Variants in PARD3B observed in about 807,000 individuals in gnomAD.
PARD3B encodes par-3 family cell polarity regulator beta.
In PARD3B, 103 loss-of-function variants were observed where a neutral mutation model predicts 130.2. That is an observed-to-expected ratio of 0.79 (90% CI 0.67 to 0.93). The LOEUF is 0.93. PARD3B is among the 40% of genes least tolerant of loss of function. PARD3B has a pLI of 0.00. For missense variants in PARD3B, 1,609 were observed against 1,499.2 expected (o/e 1.07, Z -1.21); for synonymous variants, 583 against 553.2 (o/e 1.05, Z -0.76).
At position 204,664,273 on chromosome 2, in the gene PARD3B, A is replaced by G. The variant is rs576287604; in HGVS notation, c.121-21908A>G. 5.6e-4 allele frequency among the ~76,000 whole-genome samples: 86 copies of G among 152,346 alleles called. No individual in the cohort carries two copies. Among genetic ancestry groups the G allele is most frequent in the African/African-American group, 2.0e-3 (82 of 41,586 alleles). ...AGATTGAATATGGAATAGAGCATCA[A>G]TTGCTTGCTCTCAGATACTAGTCTT... On this transcript the variant is annotated intron_variant, in intron 1 of 22. Coordinates refer to ENST00000406610, the MANE Select transcript of PARD3B (RefSeq NM_001302769.2). The surrounding 1 kb of genome is among the most constrained non-coding windows in gnomAD (Gnocchi z 5.2).
At chr2:205,431,022 T>C (rs2047314986) in intron 19 of PARD3B, among the ~76,000 whole-genome samples, 1 of 152,226 alleles carries the variant, frequency 6.6e-6, no homozygotes, top group African/African-American at 2.4e-5. Flanking sequence ...ACTTTCAAAA[T>C]GCTTGGTAAA....
chr2:205,219,529 A>G (rs994078560), intron 15 of PARD3B, among the ~76,000 whole-genome samples: 1 of 152,250 alleles, frequency 6.6e-6, no homozygotes, highest in African/African-American at 2.4e-5. Context: ...GCAGAAATAT[A>G]GACAGTATTA....
chr2:205,440,450 T>C lies in PARD3B; in HGVS notation c.2822T>C (p.Val941Ala). Reference protein sequence around the residue: ...LDYATGAIGSVYDMDDDEMDP... With the variant: ...LDYATGAIGSAYDMDDDEMDP... ...TATGCTACTGGTGCAATTGGATCAG[T>C]GTATGATATGGATGATGATGAAATG... The change falls in exon 20 of 23, where the codon GTG becomes GCG. Residue 941 changes from valine to alanine, a missense_variant. By Grantham distance (64) the Val-to-Ala change is moderately conservative (BLOSUM62 0). Transcript: ENST00000406610. The surrounding 1 kb of genome is among the most constrained non-coding windows in gnomAD (Gnocchi z 4.2). 1 of 1,614,082 alleles carries C rather than the reference T, an allele frequency of 6.2e-7. No homozygotes were observed. Among genetic ancestry groups the C allele is most frequent in the Non-Finnish European group, 8.5e-7 (1 of 1,179,966 alleles).
intron 20 of PARD3B, among the ~76,000 whole-genome samples, chr2:205,442,813 T>C (rs2047767505): frequency 6.6e-6 from 1 of 152,150 alleles, no homozygotes; most frequent in African/African-American, 2.4e-5. Flanking sequence ...CTTATGATAA[T>C]CTTAACTGCA....
intron 18 of PARD3B, among the ~76,000 whole-genome samples, chr2:205,355,567 G>A (rs1195686424): frequency 6.6e-6 from 1 of 152,122 alleles, no homozygotes; most frequent in Non-Finnish European, 1.5e-5. Flanking sequence ...ACTGTGTAAG[G>A]TGAGTGATTG....
chr2:205,332,019 C>T (rs911876973), intron 18 of PARD3B, among the ~76,000 whole-genome samples: 15 of 151,788 alleles, frequency 9.9e-5, no homozygotes, highest in Admixed American at 5.9e-4. Context: ...GCAGGAGAAT[C>T]GCGTGAACCC....
intron 2 of PARD3B, among the ~76,000 whole-genome samples, chr2:204,888,866 GACTA>G (rs546649181): frequency 1.3e-5 from 2 of 151,988 alleles, no homozygotes; most frequent in African/African-American, 2.4e-5. Flanking sequence ...GGATAGGAGA[GACTA>G]ACTAGGTATT....
At chr2:205,077,245 G>A (rs1410396243) in intron 4 of PARD3B, among the ~76,000 whole-genome samples, 3 of 152,064 alleles carry the variant, frequency 2.0e-5, no homozygotes, top group Non-Finnish European at 4.4e-5. Context: ...GAAAGATCAG[G>A]GACTTGGCTT....
intron 19 of PARD3B, among the ~76,000 whole-genome samples, chr2:205,434,978 G>A (rs1218918425): frequency 2.0e-5 from 3 of 152,042 alleles, no homozygotes; most frequent in Non-Finnish European, 4.4e-5. Context: ...TTTGCATGAT[G>A]CGTTCACTAA....
chr2:204,858,500 A>G (rs1575148264), intron 2 of PARD3B, among the ~76,000 whole-genome samples: 1 of 92,700 alleles, frequency 1.1e-5, no homozygotes, highest in Admixed American at 9.5e-5. Flanking sequence ...TGTGGAATCT[A>G]AAAAAAAAAA....
chr2:205,035,105 C>T (rs1017729270), intron 3 of PARD3B, among the ~76,000 whole-genome samples: 7 of 151,558 alleles, frequency 4.6e-5, no homozygotes, highest in African/African-American at 1.7e-4. Flanking sequence ...TCAGGTGATC[C>T]CCCCCCCTCA....
intron 2 of PARD3B, among the ~76,000 whole-genome samples, chr2:204,941,511 C>T (rs1318694419): frequency 6.6e-6 from 1 of 152,216 alleles, no homozygotes; most frequent in Non-Finnish European, 1.5e-5. Flanking sequence ...TCCTCTTAGA[C>T]TTCCTAGCAG....
At chr2:204,766,615 C>T (rs1418463463) in intron 2 of PARD3B, among the ~76,000 whole-genome samples, 2 of 151,860 alleles carry the variant, frequency 1.3e-5, no homozygotes, top group African/African-American at 4.8e-5. Flanking sequence ...GACAGAATAG[C>T]TAGCATATTG....
chr2:205,487,611 A>G (rs998453854), intron 20 of PARD3B, among the ~76,000 whole-genome samples: 3 of 152,134 alleles, frequency 2.0e-5, no homozygotes. Context: ...GTGGCCTTTG[A>G]TGGTATTCCA....
At chr2:204,838,349 A>ATGTGTGTGTGTGTGTGTGTGTGTG (rs55688873) in intron 2 of PARD3B, among the ~76,000 whole-genome samples, 7 of 135,430 alleles carry the variant, frequency 5.2e-5, no homozygotes, top group African/African-American at 1.9e-4. Context: ...TACCTGGCTA[A>ATGTGTGTGTGTGTGTGTGTGTGTG]TGTGTGTGTG....
chr2:204,571,495 A>G (rs977741935), intron 1 of PARD3B, among the ~76,000 whole-genome samples: 3 of 152,222 alleles, frequency 2.0e-5, no homozygotes, highest in Non-Finnish European at 4.4e-5. Flanking sequence ...GTGTATGTCC[A>G]TGCAAACAAT....
At position 205,577,492 on chromosome 2, in the gene PARD3B, T is replaced by C. The variant is rs145015621; in HGVS notation, c.3260+24089T>C. Among the ~76,000 whole-genome samples the C allele has an allele frequency of 5.7e-4, 87 of 152,312 alleles. No individual in the cohort carries two copies. In the East Asian group the frequency reaches 0.016, roughly 28 times the overall value. ...ACTTTAAATAATTCAGAGGATTTGATGCACTGCGGGTGATAGGTGAATTAT... is the reference window on the plus strand; with the variant it reads ...ACTTTAAATAATTCAGAGGATTTGACGCACTGCGGGTGATAGGTGAATTAT... On this transcript the variant is annotated intron_variant, in intron 22 of 22. Transcript: ENST00000406610.
intron 22 of PARD3B, among the ~76,000 whole-genome samples, chr2:205,586,173 C>T (rs992329530): frequency 2.6e-5 from 4 of 152,198 alleles, no homozygotes; most frequent in African/African-American, 7.2e-5. Flanking sequence ...ATGATGATAG[C>T]CGCCTATTCT....
intron 2 of PARD3B, among the ~76,000 whole-genome samples, chr2:204,842,520 G>T (rs1575114440): frequency 6.6e-6 from 1 of 152,082 alleles, no homozygotes. Context: ...ATCTGTGCCA[G>T]AAAAAGAATG....
Sources: allele counts gnomAD v4.1 joint callset (sites outside exome capture counted in the v4.1 genomes callset), GRCh38; gene constraint gnomAD v4.1.1; non-coding constraint Gnocchi (gnomAD v3.1); transcripts MANE v1.5; gene names NCBI Gene and HGNC (gene_info 2026-07-23, HGNC 2026-07-21).